Variants in PRAG1 observed in about 807,000 individuals in gnomAD.
PRAG1 encodes the protein inactive tyrosine-protein kinase PRAG1.
In PRAG1, 110 loss-of-function variants were observed where a neutral mutation model predicts 95.6. That is an observed-to-expected ratio of 1.15 (90% CI 0.99 to 1.35). The LOEUF is 1.35. PRAG1 is among the 40% of genes most tolerant of loss of function. The probability of loss-of-function intolerance (pLI) is 0.00; values close to 1 mark genes in which losing one functional copy is unlikely to be tolerated. For missense variants in PRAG1, 2,554 were observed against 1,864.7 expected (o/e 1.37, Z -6.81); for synonymous variants, 1,052 against 819.4 (o/e 1.28, Z -4.85).
In PRAG1 at chr8:8,328,039, C is replaced by G. The variant is rs778298761; in HGVS notation, c.2743G>C (p.Ala915Pro). Reference sequence around the variant, plus strand: ...AGCTGGGAGGATGAGGCGGAGGGGGCCCCTTTGCACTGGAGGCCAGGGCTC... The same window carrying G: ...AGCTGGGAGGATGAGGCGGAGGGGGGCCCTTTGCACTGGAGGCCAGGGCTC... ...CGSPGLQCKG[A>P]PSASSSQLSV... Residue 915 changes from alanine to proline, a missense_variant, in exon 5 of 6, where the codon GCC (alanine) becomes CCC (proline). By Grantham distance (27) the Ala-to-Pro change is conservative (BLOSUM62 -1). Transcript: ENST00000615670. The G allele has an allele frequency of 6.3e-7, 1 of 1,583,464 alleles. No individual in the cohort carries two copies. Among genetic ancestry groups the G allele is most frequent in the Non-Finnish European group, 8.6e-7 (1 of 1,164,322 alleles).
Position 8,338,798 on chromosome 8 carries a change from C to T in PRAG1, c.2320+680G>A, listed in dbSNP as rs114803579. ...AAGTCATGTGAGTACAAGTCTAAAT[C>T]CAACATGCTAACGCAAGTCTAAGAG... On this transcript the variant is annotated intron_variant, in intron 4 of 5. Transcript: ENST00000615670. Among the ~76,000 whole-genome samples the T allele has an allele frequency of 5.1e-3, 783 of 152,286 alleles. 5 individuals carry two copies. Among genetic ancestry groups the T allele is most frequent in the African/African-American group, 0.018 (733 of 41,556 alleles).
chr8:8,343,036 T>C (rs1310565062), intron 3 of PRAG1, among the ~76,000 whole-genome samples: 1 of 151,976 alleles, frequency 6.6e-6, no homozygotes, highest in Non-Finnish European at 1.5e-5. Context: ...GTAGGCAGAA[T>C]AAAAAAGAGT....
intron 5 of PRAG1, among the ~76,000 whole-genome samples, chr8:8,324,461 C>G (rs1232252528): frequency 6.6e-6 from 1 of 152,206 alleles, no homozygotes; most frequent in Non-Finnish European, 1.5e-5. Context: ...CGCATGCTAA[C>G]TAGCCCTGTG....
At chr8:8,333,018 A>G (rs1280906634) in intron 4 of PRAG1, among the ~76,000 whole-genome samples, 1 of 152,208 alleles carries the variant, frequency 6.6e-6, no homozygotes, top group African/African-American at 2.4e-5. Context: ...AAGTCTGCCT[A>G]AAAAATCCTC....
chr8:8,373,225 G>C (rs992823526), intron 3 of PRAG1, among the ~76,000 whole-genome samples: 1 of 152,072 alleles, frequency 6.6e-6, no homozygotes, highest in Non-Finnish European at 1.5e-5. Context: ...GGAAGACTCT[G>C]GGGTTCCTGG....
At chr8:8,370,596 G>A (rs1482985596) in intron 3 of PRAG1, among the ~76,000 whole-genome samples, 3 of 152,286 alleles carry the variant, frequency 2.0e-5, no homozygotes, top group Non-Finnish European at 2.9e-5. Context: ...ATCCATTATA[G>A]CAGAAAGGGC....
intron 1 of PRAG1, among the ~76,000 whole-genome samples, chr8:8,382,931 C>A (rs1800732282): frequency 6.6e-6 from 1 of 152,196 alleles, no homozygotes; most frequent in African/African-American, 2.4e-5. Context: ...GTGATTTGCG[C>A]ATTGCTCCTG....
intron 3 of PRAG1, among the ~76,000 whole-genome samples, chr8:8,351,174 T>G (rs1338963135): frequency 6.6e-6 from 1 of 151,996 alleles, no homozygotes; most frequent in Non-Finnish European, 1.5e-5. Context: ...CTCATGAAAT[T>G]TAAAAACATG....
At chr8:8,345,578 G>A (rs1202628213) in intron 3 of PRAG1, among the ~76,000 whole-genome samples, 1 of 152,098 alleles carries the variant, frequency 6.6e-6, no homozygotes, top group East Asian at 1.9e-4. Flanking sequence ...ATCACTTGAG[G>A]CCAGGAGTTC....
At chr8:8,346,981 T>C (rs1799364020) in intron 3 of PRAG1, among the ~76,000 whole-genome samples, 1 of 152,220 alleles carries the variant, frequency 6.6e-6, no homozygotes, top group African/African-American at 2.4e-5. Flanking sequence ...GTAAGTTTAG[T>C]AATGATCTGG....
At chr8:8,334,583 C>G (rs1263064314) in intron 4 of PRAG1, among the ~76,000 whole-genome samples, 2 of 151,210 alleles carry the variant, frequency 1.3e-5, no homozygotes, top group African/African-American at 4.9e-5. Context: ...ACTTAATCAT[C>G]CCAGGAAACA....
intron 3 of PRAG1, among the ~76,000 whole-genome samples, chr8:8,372,826 G>A (rs976116056): frequency 1.3e-5 from 2 of 152,152 alleles, no homozygotes; most frequent in African/African-American, 4.8e-5. Context: ...GTAAAATAGG[G>A]CGATAAACAG....
At chr8:8,379,899 G>A (rs555722256) in intron 2 of PRAG1, among the ~76,000 whole-genome samples, 2 of 152,304 alleles carry the variant, frequency 1.3e-5, no homozygotes, top group South Asian at 4.1e-4. Context: ...ATTGGAAACA[G>A]GAGTACTGGC....
At chr8:8,356,691 C>T (rs1799693310) in intron 3 of PRAG1, among the ~76,000 whole-genome samples, 2 of 151,992 alleles carry the variant, frequency 1.3e-5, no homozygotes, top group African/African-American at 4.8e-5. Context: ...AAAGATACAT[C>T]CTAAAATTCA....
Position 8,377,308 on chromosome 8 carries a change from G to T in PRAG1, c.1101C>A (p.Ser367=). 6.2e-7 allele frequency: 1 copy of T among 1,612,590 alleles called. No individual in the cohort carries two copies. The highest frequency in any genetic ancestry group is 1.3e-5 in the African/African-American group (1 of 75,054). Residue 367 remains serine (S), a synonymous_variant, in exon 3 of 6, where the codon TCC becomes TCA. Coordinates refer to ENST00000615670, the MANE Select transcript of PRAG1 (RefSeq NM_001080826.3). ...FVPHLESDYC[S]LMKEPAPEKQ... is the part of the protein sequence containing the mutation. ...TCTCTGGGGCAGGTTCCTTCATGAGGGAGCAGTAATCACTCTCGAGGTGGG... is the reference window on the plus strand; with the variant it reads ...TCTCTGGGGCAGGTTCCTTCATGAGTGAGCAGTAATCACTCTCGAGGTGGG...
At chr8:8,378,106 T>A (rs747441802) in intron 2 of PRAG1, 28 bp from the exon 3 acceptor site, 56 of 1,511,018 alleles carry the variant, frequency 3.7e-5, no homozygotes, top group Non-Finnish European at 4.9e-5. Context: ...GCAAAAAGAC[T>A]TATATTAGAA....
chr8:8,326,998 G>A (rs555651236), intron 5 of PRAG1, among the ~76,000 whole-genome samples: 1 of 152,144 alleles, frequency 6.6e-6, no homozygotes, highest in South Asian at 2.1e-4. Flanking sequence ...AACATTAGAA[G>A]AATGACCTCA....
intron 4 of PRAG1, among the ~76,000 whole-genome samples, chr8:8,335,999 C>T (rs942490304): frequency 2.0e-5 from 3 of 152,190 alleles, no homozygotes; most frequent in Non-Finnish European, 4.4e-5. Flanking sequence ...TGACTGACTA[C>T]TGTCAATATA....
intron 4 of PRAG1, among the ~76,000 whole-genome samples, chr8:8,329,706 T>A (rs888132113): frequency 6.6e-6 from 1 of 152,152 alleles, no homozygotes; most frequent in Non-Finnish European, 1.5e-5. Flanking sequence ...CTTCTCTGCT[T>A]TCTCCAACCC....
Sources: gnomAD v4.1 joint callset for allele counts (sites outside exome capture counted in the v4.1 genomes callset) on GRCh38, gnomAD v4.1.1 for gene constraint, MANE v1.5 for transcripts, NCBI Gene and HGNC (gene_info 2026-07-23, HGNC 2026-07-21) for gene names.